Variants in NTRK2 observed in about 807,000 individuals in gnomAD.
NTRK2 encodes neurotrophic receptor tyrosine kinase 2, also known as BDNF/NT-3 growth factors receptor.
In NTRK2, 13 loss-of-function variants were observed where a neutral mutation model predicts 94.5. The observed-to-expected ratio is 0.14, with a 90% confidence interval of 0.09 to 0.22. The LOEUF (loss-of-function observed/expected upper bound fraction) is 0.22. Among genes scored for constraint, NTRK2 ranks in the 10% least tolerant of loss-of-function variants. NTRK2 has a pLI of 1.00. For synonymous variants in NTRK2, 372 were observed against 407.4 expected (o/e 0.91, Z 1.05); for missense variants, 639 against 1,071.2 (o/e 0.60, Z 5.63).
intron 4 of NTRK2, among the ~76,000 whole-genome samples, chr9:84,704,631 C>G (rs990371165): frequency 3.3e-5 from 5 of 152,144 alleles, no homozygotes; most frequent in African/African-American, 4.8e-5. Flanking sequence ...ACATACATAT[C>G]TTACAGTTTT....
At chr9:84,722,252 G>A (rs544794519) in intron 6 of NTRK2, among the ~76,000 whole-genome samples, 2 of 150,992 alleles carry the variant, frequency 1.3e-5, no homozygotes, top group African/African-American at 4.9e-5. Context: ...TTTGGAAGGG[G>A]GGGTCTCACT....
chr9:84,814,176 C>T, intron 12 of NTRK2: 1 of 1,065,670 alleles, frequency 9.4e-7, no homozygotes, highest in Non-Finnish European at 1.1e-6. Flanking sequence ...AATCCCAGCC[C>T]CACCCAGCAA....
intron 17 of NTRK2, among the ~76,000 whole-genome samples, chr9:84,985,061 G>A (rs1477034265): frequency 6.6e-6 from 1 of 152,198 alleles, no homozygotes; most frequent in Non-Finnish European, 1.5e-5. Flanking sequence ...TTAGGAAAAG[G>A]AGATTTTAAA....
intron 12 of NTRK2, among the ~76,000 whole-genome samples, chr9:84,850,680 C>T (rs116503708): frequency 4.8e-4 from 73 of 152,246 alleles, no homozygotes; most frequent in African/African-American, 1.6e-3. Flanking sequence ...GAGGTTATGT[C>T]AGGAAATAAC....
At chr9:84,750,286 G>A (rs962825565) in intron 11 of NTRK2, among the ~76,000 whole-genome samples, 3 of 152,218 alleles carry the variant, frequency 2.0e-5, no homozygotes, top group African/African-American at 7.2e-5. Context: ...GAGAAACACT[G>A]CCTTAGACTA....
chr9:84,791,731 C>T (rs1189878926), intron 12 of NTRK2, among the ~76,000 whole-genome samples: 1 of 152,104 alleles, frequency 6.6e-6, no homozygotes, highest in Non-Finnish European at 1.5e-5. Flanking sequence ...TTTTATGGTC[C>T]TATGTGGCAA....
At chr9:84,927,473 G>T (rs1163586505) in intron 14 of NTRK2, among the ~76,000 whole-genome samples, 2 of 151,914 alleles carry the variant, frequency 1.3e-5, no homozygotes, top group Non-Finnish European at 2.9e-5. Flanking sequence ...TCTTTTTCTA[G>T]GCCCTAGAAA....
At chr9:84,965,693 A>G (rs1825475508) in intron 17 of NTRK2, among the ~76,000 whole-genome samples, 1 of 152,358 alleles carries the variant, frequency 6.6e-6, no homozygotes, top group East Asian at 1.9e-4. Flanking sequence ...CTTACAGATC[A>G]TGACAATTGC....
At chr9:84,867,522 C>A in intron 14 of NTRK2, 91 bp downstream of exon 14, 1 of 1,095,082 alleles carries the variant, frequency 9.1e-7, no homozygotes, top group Non-Finnish European at 1.4e-6. Flanking sequence ...GGATGACTGG[C>A]GGGGAACAGG....
At chr9:84,891,399 ATAGTGCACTAC>A (rs1477478666) in intron 14 of NTRK2, among the ~76,000 whole-genome samples, 1 of 152,046 alleles carries the variant, frequency 6.6e-6, no homozygotes, top group Non-Finnish European at 1.5e-5. Flanking sequence ...CATCAAAGCA[ATAGTGCACTAC>A]AACATGGGAA....
Position 84,877,336 on chromosome 9 carries a change from G to A in NTRK2, c.1633+9905G>A. On this transcript the variant is annotated intron_variant, in intron 14 of 18. Coordinates refer to ENST00000277120, the MANE Select transcript of NTRK2 (RefSeq NM_006180.6). The stretch of plus-strand genomic sequence containing the variant: ...GAGGAAGAACTTTGGTGTGAGGGCG[G>A]AGCTATGTGAAGGGTTGCTGGGTTG... 2.8e-6 allele frequency: 3 copies of A among 1,066,184 alleles called. No homozygotes were observed. The South Asian group carries it at 1.4e-4, about 48-fold the overall frequency. The allele number at this position is 1,066,184 out of a possible 1,614,324, so 66.0% of individuals were successfully genotyped here.
chr9:84,808,493 T>G (rs529161454), intron 12 of NTRK2, among the ~76,000 whole-genome samples: 1 of 152,366 alleles, frequency 6.6e-6, no homozygotes, highest in African/African-American at 2.4e-5. Context: ...ATCCTTATAT[T>G]AATACTCATA....
At chr9:84,872,016 AC>A in intron 14 of NTRK2, 1 of 1,484,236 alleles carries the variant, frequency 6.7e-7, no homozygotes, top group Non-Finnish European at 9.0e-7. Context: ...CTAATGACTA[AC>A]CCCTCAAAGT....
chr9:84,896,333 A>G (rs2076757065), intron 14 of NTRK2, among the ~76,000 whole-genome samples: 1 of 152,210 alleles, frequency 6.6e-6, no homozygotes, highest in South Asian at 2.1e-4. Flanking sequence ...CCACTGCTGT[A>G]TCTTTGATGC....
intron 12 of NTRK2, among the ~76,000 whole-genome samples, chr9:84,782,421 G>A (rs181390387): frequency 2.0e-5 from 3 of 152,218 alleles, no homozygotes; most frequent in South Asian, 2.1e-4. Context: ...TTGCTGGCAC[G>A]TTCTGCGGCT....
chr9:84,994,699 C>T (rs954094199), intron 17 of NTRK2, among the ~76,000 whole-genome samples: 6 of 152,180 alleles, frequency 3.9e-5, no homozygotes, highest in Non-Finnish European at 7.3e-5. Flanking sequence ...GCTTTTTTCC[C>T]CCTGTTCTCT....
chr9:84,764,394 C>A, intron 12 of NTRK2, among the ~76,000 whole-genome samples: 1 of 151,904 alleles, frequency 6.6e-6, no homozygotes. Context: ...GTTTTTATTT[C>A]ATTAATTTTT....
chr9:84,801,496 G>A (rs112663112), intron 12 of NTRK2, among the ~76,000 whole-genome samples: 180 of 152,258 alleles, frequency 1.2e-3, no homozygotes, highest in African/African-American at 3.9e-3. Flanking sequence ...AAAGTGGTTC[G>A]GTATTCTCCT....
intron 2 of NTRK2, among the ~76,000 whole-genome samples, chr9:84,671,316 T>G (rs944203199): frequency 6.6e-6 from 1 of 152,190 alleles, no homozygotes; most frequent in African/African-American, 2.4e-5. Context: ...TTTCATAAAG[T>G]GCTGTGTGTA....
Sources: gnomAD v4.1 joint callset for allele counts (sites outside exome capture counted in the v4.1 genomes callset) on GRCh38, gnomAD v4.1.1 for gene constraint, MANE v1.5 for transcripts, NCBI Gene and HGNC (gene_info 2026-07-23, HGNC 2026-07-21) for gene names.